Variants in TTC14 observed in about 807,000 individuals in gnomAD.
The protein encoded by TTC14 is tetratricopeptide repeat domain 14.
A neutral mutation model predicts 79.9 loss-of-function variants in TTC14; 63 were observed. That is an observed-to-expected ratio of 0.79 (90% CI 0.64 to 0.97). TTC14 has a LOEUF of 0.97. Ranked by LOEUF, TTC14 falls within the 50% of genes least tolerant of loss-of-function variation. The pLI is 0.00. For synonymous variants in TTC14, 335 were observed against 309.6 expected (o/e 1.08, Z -0.86); for missense variants, 895 against 894.0 (o/e 1.00, Z -0.01).
intron 10 of TTC14, chr3:180,608,087 G>T: frequency 9.6e-7 from 1 of 1,039,640 alleles, no homozygotes; most frequent in Non-Finnish European, 1.2e-6. Context: ...AAACCTTTTT[G>T]AGACATATTT....
At chr3:180,608,142 C>T in intron 10 of TTC14, 1 of 1,009,804 alleles carries the variant, frequency 9.9e-7, no homozygotes, top group Non-Finnish European at 1.2e-6. Flanking sequence ...TTTTCTCATG[C>T]ATTTTCTTCT....
chr3:180,610,396 A>G lies in TTC14; in HGVS notation c.2167A>G (p.Lys723Glu). 1 of 1,613,946 alleles carries G rather than the reference A, an allele frequency of 6.2e-7. No homozygotes were observed. Among genetic ancestry groups the G allele is most frequent in the Non-Finnish European group, 8.5e-7 (1 of 1,179,896 alleles). Reference protein sequence around the residue: ...EREDNYGEDIKTEVPEEDALS... With the variant: ...EREDNYGEDIETEVPEEDALS... ...AGAGGACAATTATGGGGAGGATATC[A>G]AAACAGAGGTTCCAGAAGAAGATGC... is the stretch of plus-strand genomic sequence containing the variant. Residue 723 changes from lysine to glutamate, a missense_variant, in exon 12 of 12, where the codon AAA becomes GAA. Coordinates refer to ENST00000296015, the MANE Select transcript of TTC14 (RefSeq NM_133462.4).
chr3:180,617,424 G>A (rs1179096492), exon 13 of TTC14: 2 of 671,630 alleles, frequency 3.0e-6, no homozygotes, highest in African/African-American at 1.8e-5. Flanking sequence ...ACAGCCTCAG[G>A]CAGGTCCTTC....
rs201996796 is a variant in TTC14 at position 180,616,553 on chromosome 3, G to C, written c.1775-827G>C. On this transcript the variant is annotated intron_variant, in intron 12 of 12. Coordinates refer to the TTC14 transcript ENST00000382584. ...TGTTTGAAGGATAATACGGATCTCAGTATTTTCTTCTATGATATCAACTAA... is the reference window on the plus strand; with the variant it reads ...TGTTTGAAGGATAATACGGATCTCACTATTTTCTTCTATGATATCAACTAA... 5.8e-5 allele frequency: 93 copies of C among 1,593,240 alleles called. No individual in the cohort carries two copies. Among genetic ancestry groups the C allele is most frequent in the Non-Finnish European group, 1.7e-5 (20 of 1,170,146 alleles).
chr3:180,605,042 G>A (rs1363565045), intron 6 of TTC14, 35 bp downstream of exon 6: 1 of 1,574,606 alleles, frequency 6.4e-7, no homozygotes, highest in Non-Finnish European at 8.6e-7. Flanking sequence ...AGATGGTGAG[G>A]GGAGTGGCAG....
At chr3:180,615,690 A>G (rs1183752559), downstream of TTC14, among the ~76,000 whole-genome samples, 1 of 152,150 alleles carries the variant, frequency 6.6e-6, no homozygotes, top group Non-Finnish European at 1.5e-5. Context: ...TGCTGAATGC[A>G]GGAGATTGTG....
chr3:180,617,722 G>C (rs537615585), exon 13 of TTC14: 3 of 382,742 alleles, frequency 7.8e-6, no homozygotes, highest in Non-Finnish European at 1.4e-5. Context: ...CATCACAAAA[G>C]AGTAAAAAAA....
chr3:180,616,610 A>G (rs751490961), intron 12 of TTC14: 1 of 1,597,406 alleles, frequency 6.3e-7, no homozygotes, highest in Non-Finnish European at 8.5e-7. Context: ...AAACTGTTTC[A>G]TTTCACGAAG....
intron 12 of TTC14, chr3:180,617,061 A>G (rs960076963): frequency 2.8e-6 from 2 of 707,652 alleles, no homozygotes; most frequent in Non-Finnish European, 4.4e-6. Context: ...TAATTCATTT[A>G]TTTTTGTACA....
chr3:180,617,342 A>G, intron 12 of TTC14: 1 of 513,358 alleles, frequency 1.9e-6, no homozygotes. Flanking sequence ...TTACTGATTT[A>G]TGTATTTACT....
At chr3:180,612,082 C>A (rs1717015323), downstream of TTC14, among the ~76,000 whole-genome samples, 2 of 151,746 alleles carry the variant, frequency 1.3e-5, no homozygotes, top group South Asian at 4.1e-4. Flanking sequence ...GAAGAAGCTT[C>A]TTTAAGAAAT....
intron 11 of TTC14, 38 bp downstream of exon 11, chr3:180,608,848 A>G (rs2108396751): frequency 7.1e-7 from 1 of 1,403,248 alleles, no homozygotes; most frequent in East Asian, 2.7e-5. Context: ...ACTTAAGGCA[A>G]CTACTGAATT....
chr3:180,606,376 A>T lies in TTC14; in HGVS notation c.1049+4A>T. The T allele has an allele frequency of 6.2e-7, 1 of 1,614,032 alleles. No individual in the cohort carries two copies. Among genetic ancestry groups the T allele is most frequent in the Non-Finnish European group, 8.5e-7 (1 of 1,179,952 alleles). ...CTTTGGTAGCTCGTGGAGCATTGTA[A>T]GTGAATCATACATGGATTTTAAGGA... is the stretch of plus-strand genomic sequence containing the variant. On this transcript the variant is annotated splice_donor_region_variant and intron_variant, in intron 8 of 11. Transcript: ENST00000296015.
At chr3:180,616,392 G>A (rs772684699) in intron 12 of TTC14, 1 of 1,572,084 alleles carries the variant, frequency 6.4e-7, no homozygotes. Context: ...GCAATCATTA[G>A]TACTACCTAC....
At chr3:180,602,566 T>G in intron 1 of TTC14, 144 bp downstream of exon 1, 1 of 1,164,082 alleles carries the variant, frequency 8.6e-7, no homozygotes, top group South Asian at 1.6e-5. Context: ...TTGGGCTGGG[T>G]GGACGGGGGG....
rs1381382324 is a variant in TTC14, at chr3:180,610,127, T to G, written c.1898T>G (p.Phe633Cys). 1.9e-6 allele frequency: 3 copies of G among 1,612,842 alleles called. No homozygotes were observed. Among genetic ancestry groups the G allele is most frequent in the African/African-American group, 2.7e-5 (2 of 74,704 alleles). The change falls in exon 12 of 12, where the codon TTC becomes TGC. Residue 633 changes from phenylalanine (F) to cysteine (C), a missense_variant. By Grantham distance (205) the Phe-to-Cys change is radical. Transcript: ENST00000296015. ...FSSRRNSSDSFCRNSEDKIYG... is the reference protein window; with the variant it reads ...FSSRRNSSDSCCRNSEDKIYG... ...AGTAGAAGAAATTCCTCAGATTCCT[T>G]CTGTAGGAATTCAGAGGACAAGATT...
downstream of TTC14, among the ~76,000 whole-genome samples, chr3:180,612,415 C>G (rs2108401044): frequency 6.6e-6 from 1 of 152,202 alleles, no homozygotes; most frequent in African/African-American, 2.4e-5. Flanking sequence ...CATCCCTTAC[C>G]CCCCTGCCAA....
At chr3:180,617,047 AT>A in intron 12 of TTC14, 1 of 760,028 alleles carries the variant, frequency 1.3e-6, no homozygotes, top group Non-Finnish European at 2.0e-6. Context: ...TATTCATTTA[AT>A]TTTAATTCAT....
At chr3:180,609,607 G>A (rs551115384) in intron 11 of TTC14, 23 bp from the exon 12 acceptor site, 4 of 1,517,826 alleles carry the variant, frequency 2.6e-6, no homozygotes, top group East Asian at 2.3e-5. Flanking sequence ...GTATATATAT[G>A]ACAAATGAAC....
Sources: gnomAD v4.1 joint callset for allele counts (sites outside exome capture counted in the v4.1 genomes callset) on GRCh38, gnomAD v4.1.1 for gene constraint, MANE v1.5 for transcripts, NCBI Gene and HGNC (gene_info 2026-07-23, HGNC 2026-07-21) for gene names.